Variants in PKD1L1 observed in about 807,000 individuals in gnomAD.
The protein encoded by PKD1L1 is polycystin 1 like 1, transient receptor potential channel interacting.
Under a neutral mutation model 323.4 loss-of-function variants are expected in PKD1L1, and 236 were observed. The observed-to-expected ratio is 0.73, with a 90% CI of 0.66 to 0.81. The LOEUF (loss-of-function observed/expected upper bound fraction) is 0.81. PKD1L1 is among the 40% of genes least tolerant of loss of function. The pLI, the probability that PKD1L1 is intolerant of heterozygous loss-of-function variation, is 0.00. For missense variants in PKD1L1, 3,320 were observed against 3,508.0 expected, an observed-to-expected ratio of 0.95 and a Z score of 1.35; for synonymous variants, 1,344 against 1,335.0, an observed-to-expected ratio of 1.01 and a Z score of -0.15.
At chr7:47,832,316 G>A (rs1409237893) in intron 41 of PKD1L1, among the ~76,000 whole-genome samples, 1 of 152,190 alleles carries the variant, frequency 6.6e-6, no homozygotes, top group African/African-American at 2.4e-5. Flanking sequence ...TGTCTGGGAG[G>A]GTCGTCGGTC....
At chr7:47,932,199 G>A (rs1287914638) in intron 4 of PKD1L1, 143 bp from the exon 5 acceptor site, 9 of 1,332,734 alleles carry the variant, frequency 6.8e-6, no homozygotes, top group Non-Finnish European at 9.1e-6. Flanking sequence ...ATTCCTGGGA[G>A]TCAGGCCCAG....
In PKD1L1 at chr7:47,887,989, C is replaced by T; in HGVS notation, c.2836+1G>A. On this transcript the variant is annotated splice_donor_variant, in intron 17 of 56. Coordinates refer to ENST00000289672, the MANE Select transcript of PKD1L1 (RefSeq NM_138295.5). LOFTEE classifies it high-confidence loss of function. ...AAAATAAAGCTATTAATCCTTTTTACCTTCTATCCTATTCTTTTCTGTTGC... is the reference window on the plus strand; with the variant it reads ...AAAATAAAGCTATTAATCCTTTTTATCTTCTATCCTATTCTTTTCTGTTGC... The T allele has an allele frequency of 6.2e-7, 1 of 1,605,610 alleles. No individual in the cohort carries two copies. Among genetic ancestry groups the T allele is most frequent in the Non-Finnish European group, 8.5e-7 (1 of 1,176,600 alleles).
intron 7 of PKD1L1, 84 bp from the exon 8 acceptor site, chr7:47,915,683 G>C (rs559006326): frequency 1.2e-6 from 1 of 826,626 alleles, no homozygotes; most frequent in East Asian, 2.8e-5. Flanking sequence ...AAATCTGAAA[G>C]CTAGTTCTTT....
At chr7:47,816,870 C>CT (rs1034652854) in intron 46 of PKD1L1, among the ~76,000 whole-genome samples, 8 of 152,188 alleles carry the variant, frequency 5.3e-5, no homozygotes, top group Non-Finnish European at 1.0e-4. Context: ...GGAGCCGACT[C>CT]TTACTGTGAG....
rs1368561044 is a variant in PKD1L1 at position 47,840,211 on chromosome 7, T to A, written c.5552+250A>T. The stretch of plus-strand genomic sequence containing the variant: ...GTCATAGAAAACACTGATTATGAAC[T>A]TTACTAGTATGTAAAATCAGTAAGT... On this transcript the variant is annotated intron_variant, in intron 35 of 56. Transcript: ENST00000289672. This position sits in a 1 kb window ranked among gnomAD's most constrained non-coding sequence, Gnocchi z 4.1. 1.3e-5 allele frequency among the ~76,000 whole-genome samples: 2 copies of A among 152,156 alleles called. No homozygotes were observed. Among genetic ancestry groups the A allele is most frequent in the Non-Finnish European group, 2.9e-5 (2 of 68,028 alleles).
At chr7:47,871,963 T>C (rs556567913) in intron 24 of PKD1L1, among the ~76,000 whole-genome samples, 173 of 152,224 alleles carry the variant, frequency 1.1e-3, no homozygotes, top group Non-Finnish European at 1.6e-3. Flanking sequence ...GGCATCCAGA[T>C]TAGAAAGAAA....
intron 9 of PKD1L1, among the ~76,000 whole-genome samples, chr7:47,907,508 G>A (rs114228650): frequency 0.026 from 3,992 of 152,320 alleles, 99 homozygotes; most frequent in African/African-American, 0.064. Flanking sequence ...GTAGCTGTGC[G>A]GATAAAGTGG....
chr7:47,797,643 A>G (rs1263742019), intron 54 of PKD1L1, among the ~76,000 whole-genome samples: 1 of 152,004 alleles, frequency 6.6e-6, no homozygotes, highest in Non-Finnish European at 1.5e-5. Flanking sequence ...TCCATTCCTG[A>G]CTCCAACCAT....
At position 47,833,085 on chromosome 7, in the gene PKD1L1, G is replaced by A. The variant is rs779938471; in HGVS notation, c.6337+5C>T. ...AAGGGGGCTGTGGTTGCAAGCCACA[G>A]TTACCTTGAGTGTGGGGAGGGCAGC... On this transcript the variant is annotated splice_donor_5th_base_variant and intron_variant, in intron 41 of 56. Transcript: ENST00000289672. The A allele has an allele frequency of 1.2e-6, 2 of 1,608,348 alleles. No homozygotes were observed. The highest frequency in any genetic ancestry group is 1.1e-5 in the South Asian group (1 of 89,624).
chr7:47,930,020 A>T (rs888947774), intron 6 of PKD1L1, among the ~76,000 whole-genome samples: 1 of 152,210 alleles, frequency 6.6e-6, no homozygotes, highest in African/African-American at 2.4e-5. Flanking sequence ...AGTTGGAAAT[A>T]GTCTAGGATA....
chr7:47,838,014 A>T (rs1455479548), intron 36 of PKD1L1, among the ~76,000 whole-genome samples: 1 of 152,232 alleles, frequency 6.6e-6, no homozygotes, highest in Non-Finnish European at 1.5e-5. Context: ...AAAAGCTCTC[A>T]AGCACAACAG....
In PKD1L1 at chr7:47,803,194, A is replaced by G. The variant is rs1223567062; in HGVS notation, c.7962+16T>C. The G allele has an allele frequency of 5.6e-6, 9 of 1,613,822 alleles. No individual in the cohort carries two copies. The highest frequency in any genetic ancestry group is 1.1e-5 in the South Asian group (1 of 91,060). ...GTTTACAAGGGAAATCACCTGATAA[A>G]GGGGAGAGTTCTTACCCCTGCTACA... On this transcript the variant is annotated intron_variant, in intron 53 of 56. Transcript: ENST00000289672.
chr7:47,784,917 T>C (rs1286423817), intron 56 of PKD1L1, among the ~76,000 whole-genome samples: 1 of 152,198 alleles, frequency 6.6e-6, no homozygotes, highest in Non-Finnish European at 1.5e-5. Context: ...TTAGTTGCCC[T>C]TTTCTATCCA....
chr7:47,924,598 T>C (rs1787622945), intron 7 of PKD1L1, among the ~76,000 whole-genome samples: 1 of 152,208 alleles, frequency 6.6e-6, no homozygotes, highest in Non-Finnish European at 1.5e-5. Flanking sequence ...CTAACCCCTA[T>C]CATAATTTTA....
chr7:47,948,683 C>T (rs900179760), upstream of PKD1L1, among the ~76,000 whole-genome samples: 21 of 152,186 alleles, frequency 1.4e-4, no homozygotes, highest in Middle Eastern at 3.2e-3. Flanking sequence ...TTTTGACAGA[C>T]GTGGTGGCTC....
intron 37 of PKD1L1, among the ~76,000 whole-genome samples, chr7:47,835,786 A>G (rs904089290): frequency 1.3e-5 from 2 of 152,212 alleles, no homozygotes; most frequent in African/African-American, 4.8e-5. Flanking sequence ...TGATGGATAC[A>G]AGCAGAAGGA....
intron 5 of PKD1L1, among the ~76,000 whole-genome samples, chr7:47,931,527 C>G (rs532835957): frequency 9.2e-5 from 14 of 152,324 alleles, no homozygotes; most frequent in Admixed American, 6.5e-4. Flanking sequence ...GCATACTAGC[C>G]AAGACAGCGC....
intron 12 of PKD1L1, among the ~76,000 whole-genome samples, chr7:47,903,947 T>G (rs1012131537): frequency 2.6e-5 from 4 of 152,182 alleles, no homozygotes; most frequent in East Asian, 1.9e-4. Context: ...ATCAAGGCCC[T>G]TCACAATCTG....
intron 20 of PKD1L1, 35 bp downstream of exon 20, chr7:47,881,874 C>G: frequency 6.5e-7 from 1 of 1,528,184 alleles, no homozygotes; most frequent in South Asian, 1.3e-5. Flanking sequence ...TTCAGAAACA[C>G]TGCAAATTGG....
Sources: allele counts gnomAD v4.1 joint callset (sites outside exome capture counted in the v4.1 genomes callset), GRCh38; gene constraint gnomAD v4.1.1; non-coding constraint Gnocchi (gnomAD v3.1); transcripts MANE v1.5; gene names NCBI Gene and HGNC (gene_info 2026-07-23, HGNC 2026-07-21).